The following UNC13B variants were observed in gnomAD, a reference collection of about 807,000 sequenced individuals.
UNC13B encodes protein unc-13 homolog B.
Under a neutral mutation model 211.0 loss-of-function variants are expected in UNC13B, and 144 were observed. The observed-to-expected ratio is 0.68, with a 90% CI of 0.60 to 0.78. The LOEUF is 0.78. Among genes scored for constraint, UNC13B ranks in the 30% least tolerant of loss-of-function variants. The pLI is 0.00. For synonymous variants in UNC13B, 709 were observed against 725.8 expected (o/e 0.98, Z 0.37); for missense variants, 1,777 against 2,002.0 (o/e 0.89, Z 2.14).
intron 1 of UNC13B, among the ~76,000 whole-genome samples, chr9:35,182,519 G>A (rs895123540): frequency 5.9e-5 from 9 of 151,518 alleles, no homozygotes; most frequent in Admixed American, 5.3e-4. Context: ...GTTTCTCAGA[G>A]AGGGGGATGT....
chr9:35,285,095 G>T (rs1041696518), intron 7 of UNC13B, among the ~76,000 whole-genome samples: 4 of 152,202 alleles, frequency 2.6e-5, no homozygotes, highest in Non-Finnish European at 4.4e-5. Flanking sequence ...GATAAGTGCA[G>T]AGGTTTACCT....
chr9:35,314,830 A>C (rs1305298417), intron 11 of UNC13B, among the ~76,000 whole-genome samples: 1 of 148,940 alleles, frequency 6.7e-6, no homozygotes, highest in Non-Finnish European at 1.5e-5. Flanking sequence ...CCACATTTTT[A>C]AAAGCCAAAC....
Position 35,216,904 on chromosome 9 carries a change from AC to A in UNC13B, c.23-11110del, listed in dbSNP as rs773693399. ...TGGCATTATGCTGAGTGGAAAAAAA[AC>A]AATCTCATAAGGTCATATTCTGTGT... is the stretch of plus-strand genomic sequence containing the variant. On this transcript the variant is annotated intron_variant, in intron 1 of 39. Transcript: ENST00000635942. Among the ~76,000 whole-genome samples the A allele has an allele frequency of 1.1e-4, 17 of 152,340 alleles. No homozygotes were observed. The South Asian group carries it at 1.9e-3, about 17-fold the overall frequency.
chr9:35,388,586 G>A (rs1835330896), intron 24 of UNC13B, among the ~76,000 whole-genome samples: 1 of 152,174 alleles, frequency 6.6e-6, no homozygotes, highest in Non-Finnish European at 1.5e-5. Flanking sequence ...TGTAAATGAA[G>A]GTGATAATAA....
At chr9:35,239,756 T>G in intron 5 of UNC13B, among the ~76,000 whole-genome samples, 1 of 152,178 alleles carries the variant, frequency 6.6e-6, no homozygotes, top group East Asian at 1.9e-4. Context: ...CTCAGGGATG[T>G]TCCTTGCTGA....
intron 1 of UNC13B, among the ~76,000 whole-genome samples, chr9:35,167,222 C>T (rs1232366524): frequency 1.3e-5 from 2 of 151,850 alleles, no homozygotes; most frequent in African/African-American, 4.8e-5. Flanking sequence ...TACAGGCGCC[C>T]ATCACCACGC....
At chr9:35,379,429 CAG>C (rs1164493923) in intron 17 of UNC13B, among the ~76,000 whole-genome samples, 1 of 150,934 alleles carries the variant, frequency 6.6e-6, no homozygotes, top group Admixed American at 6.6e-5. Flanking sequence ...AGCCTGGTGA[CAG>C]AGTGAGACTC....
chr9:35,319,852 G>A (rs552212185), intron 11 of UNC13B, among the ~76,000 whole-genome samples: 1 of 151,788 alleles, frequency 6.6e-6, no homozygotes, highest in African/African-American at 2.4e-5. Context: ...GTAGAGATAG[G>A]GTCTCATTAT....
intron 7 of UNC13B, among the ~76,000 whole-genome samples, chr9:35,266,362 A>G (rs1564103074): frequency 6.6e-6 from 1 of 152,178 alleles, no homozygotes; most frequent in Non-Finnish European, 1.5e-5. Context: ...AAGTATTTTC[A>G]GAAATCACTG....
At chr9:35,189,118 C>T in intron 1 of UNC13B, among the ~76,000 whole-genome samples, 2 of 152,296 alleles carry the variant, frequency 1.3e-5, no homozygotes, top group South Asian at 4.1e-4. Flanking sequence ...AAGATAATCC[C>T]TCATACCTGG....
chr9:35,385,848 C>G (rs1835153302), intron 23 of UNC13B, 35 bp downstream of exon 23: 1 of 1,584,542 alleles, frequency 6.3e-7, no homozygotes. Context: ...TGGTGCTGGG[C>G]TGGAGACCTG....
chr9:35,297,561 T>TTTTTTTTTTTTTTTTTTTTTTTG lies in UNC13B; in HGVS notation c.761+1637_761+1638insTTTTTTTTTTTTTTTTGTTTTTT. Among the ~76,000 whole-genome samples the TTTTTTTTTTTTTTTTTTTTTTTG allele has an allele frequency of 1.6e-4, 20 of 128,216 alleles. 1 individual carries two copies. The highest frequency in any genetic ancestry group is 3.5e-4 in the African/African-American group (12 of 34,130). 84.1% of individuals were successfully genotyped at this position (128,216 alleles called of 152,430 possible). A position where few individuals can be genotyped will look rare whatever the true frequency, so the allele number is the denominator to read the frequency against. On this transcript the variant is annotated intron_variant, in intron 8 of 39. Transcript: ENST00000635942. ...ACATACTTTGTCTTTTTTTTTTTTT[T>TTTTTTTTTTTTTTTTTTTTTTTG]TTTTTTGAGACGGAGTCTCGCTCTT...
chr9:35,273,315 C>A (rs1377166868), intron 7 of UNC13B, among the ~76,000 whole-genome samples: 1 of 152,136 alleles, frequency 6.6e-6, no homozygotes, highest in Non-Finnish European at 1.5e-5. Context: ...CCAAAAGAGG[C>A]ATGTTTAATA....
chr9:35,311,517 T>A lies in UNC13B; in HGVS notation c.9323+736T>A, dbSNP rs369280323. The stretch of plus-strand genomic sequence containing the variant: ...GTTGGTCAGGGTCAGTGTGTGTGCA[T>A]GTACTTATGTACAGGTATATGTGTA... On this transcript the variant is annotated intron_variant, in intron 10 of 39. Coordinates refer to ENST00000635942, the MANE Select transcript of UNC13B (RefSeq NM_001371189.2). Among the ~76,000 whole-genome samples the A allele has an allele frequency of 7.2e-4, 110 of 152,342 alleles. 1 individual carries two copies. The South Asian group carries it at 0.018, about 25-fold the overall frequency.
At chr9:35,316,416 GATA>G (rs1830457310) in intron 11 of UNC13B, among the ~76,000 whole-genome samples, 1 of 152,126 alleles carries the variant, frequency 6.6e-6, no homozygotes, top group African/African-American at 2.4e-5. Context: ...TCAGGGAGAA[GATA>G]ATGTTTTAGT....
chr9:35,272,624 T>C (rs1001945703), intron 7 of UNC13B, among the ~76,000 whole-genome samples: 5 of 152,212 alleles, frequency 3.3e-5, no homozygotes, highest in African/African-American at 1.2e-4. Flanking sequence ...GCATTTGTTT[T>C]ATAATAATTT....
At chr9:35,361,104 G>C (rs2132121610) in intron 11 of UNC13B, 1 of 152,296 alleles carries the variant, frequency 6.6e-6, no homozygotes, top group Non-Finnish European at 1.5e-5. Context: ...CAAGTCTTTT[G>C]ACTCTCAATA....
intron 6 of UNC13B, among the ~76,000 whole-genome samples, chr9:35,248,115 C>T (rs1394101597): frequency 6.6e-6 from 1 of 152,210 alleles, no homozygotes; most frequent in Non-Finnish European, 1.5e-5. Context: ...TTATCCTTTT[C>T]TTCTAGATTT....
chr9:35,384,751 T>C (rs899360808), intron 22 of UNC13B: 11 of 981,054 alleles, frequency 1.1e-5, no homozygotes, highest in Non-Finnish European at 1.2e-5. Flanking sequence ...TTGCAAGTAA[T>C]CTGTATCAGA....
Sources: gnomAD v4.1 joint callset for allele counts (sites outside exome capture counted in the v4.1 genomes callset) on GRCh38, gnomAD v4.1.1 for gene constraint, MANE v1.5 for transcripts, NCBI Gene and HGNC (gene_info 2026-07-23, HGNC 2026-07-21) for gene names.